The following VAMP7 variants were observed in gnomAD, a reference collection of about 807,000 sequenced individuals.
VAMP7 encodes vesicle-associated membrane protein 7.
A neutral mutation model predicts 29.6 loss-of-function variants in VAMP7; 14 were observed. That is an observed-to-expected ratio of 0.47 (90% CI 0.31 to 0.74). VAMP7 has a LOEUF of 0.74. VAMP7 is among the 30% of genes least tolerant of loss of function. The pLI is 0.05. For synonymous variants in VAMP7, 95 were observed against 88.1 expected (o/e 1.08, Z -0.44); for missense variants, 223 against 262.4 (o/e 0.85, Z 1.04).
chrX:155,917,382 G>C (rs71194189), intron 5 of VAMP7, among the ~76,000 whole-genome samples: 1 of 151,992 alleles, frequency 6.6e-6, no homozygotes, highest in Non-Finnish European at 1.5e-5. Flanking sequence ...CTCATTCTCC[G>C]TCCAGTTTGT....
At chrX:155,919,717 A>C in intron 5 of VAMP7, 96 bp from the exon 6 acceptor site, 1 of 1,081,594 alleles carries the variant, frequency 9.2e-7, no homozygotes, top group Non-Finnish European at 1.4e-6. Flanking sequence ...TGGCCCCAGG[A>C]CAGTGTATTC....
At chrX:155,933,751 G>A (rs1246655074) in intron 6 of VAMP7, among the ~76,000 whole-genome samples, 4 of 152,094 alleles carry the variant, frequency 2.6e-5, no homozygotes, top group African/African-American at 9.7e-5. Flanking sequence ...GCTTTTGAAT[G>A]TGTTTGCTCT....
intron 6 of VAMP7, among the ~76,000 whole-genome samples, chrX:155,938,799 G>C (rs1342518228): frequency 6.6e-6 from 1 of 152,168 alleles, no homozygotes; most frequent in African/African-American, 2.4e-5. Context: ...TTGGGCGACA[G>C]AGCAAGACCC....
At chrX:155,941,628 G>A (rs901005392) in intron 7 of VAMP7, among the ~76,000 whole-genome samples, 1 of 152,000 alleles carries the variant, frequency 6.6e-6, no homozygotes, top group African/African-American at 2.4e-5. Context: ...TACCAGTGAA[G>A]AGCAACAACC....
At chrX:155,926,825 T>C (rs1427461897) in intron 6 of VAMP7, among the ~76,000 whole-genome samples, 1 of 152,160 alleles carries the variant, frequency 6.6e-6, no homozygotes, top group Non-Finnish European at 1.5e-5. Context: ...CTTGAATACA[T>C]AGATGCCATT....
chrX:155,914,679 T>C (rs185133123), intron 5 of VAMP7, among the ~76,000 whole-genome samples: 1 of 152,314 alleles, frequency 6.6e-6, no homozygotes, highest in Non-Finnish European at 1.5e-5. Flanking sequence ...GATTTGCGTA[T>C]GTTGAACCAG....
intron 6 of VAMP7, among the ~76,000 whole-genome samples, chrX:155,927,028 A>G (rs2066477808): frequency 6.6e-6 from 1 of 152,232 alleles, no homozygotes; most frequent in Admixed American, 6.5e-5. Context: ...CAGAGGTCAC[A>G]GATCGTCATA....
chrX:155,933,460 A>G (rs1276526386), intron 6 of VAMP7, among the ~76,000 whole-genome samples: 3 of 152,012 alleles, frequency 2.0e-5, no homozygotes, highest in Non-Finnish European at 4.4e-5. Context: ...GAATTTATCC[A>G]TTTCTTCTAG....
At chrX:155,891,374 T>C (rs2065923839) in intron 2 of VAMP7, among the ~76,000 whole-genome samples, 1 of 152,148 alleles carries the variant, frequency 6.6e-6, no homozygotes, top group African/African-American at 2.4e-5. Flanking sequence ...AAGACCTATC[T>C]AGTCACTGTG....
rs1178373614 is a variant in VAMP7, at chrX:155,901,131, CAGT to C, written c.433+549_433+551del. ...AGGACTGATTTAGAAGTTTATCCTA[CAGT>C]AGTAACCATACTGTTATATTTTTGT... On this transcript the variant is annotated intron_variant, in intron 5 of 7. Transcript: ENST00000286448. Among the ~76,000 whole-genome samples, 5 of 152,002 alleles carry C rather than the reference CAGT, an allele frequency of 3.3e-5. No homozygotes were observed. In the East Asian group the frequency reaches 9.6e-4, roughly 29 times the overall value.
chrX:155,934,652 C>T lies in VAMP7; in HGVS notation c.502-5049C>T, dbSNP rs1325134804. On this transcript the variant is annotated intron_variant, in intron 6 of 7. Coordinates refer to ENST00000286448, the MANE Select transcript of VAMP7 (RefSeq NM_005638.6). ...ACACTGATGGGTCTTTACTCTTTAT[C>T]TAATTTGCCAGTCTGTGTCTTTTAA... Among the ~76,000 whole-genome samples the T allele has an allele frequency of 2.6e-5, 4 of 152,236 alleles. No homozygotes were observed. The South Asian group carries it at 8.3e-4, about 32-fold the overall frequency.
At chrX:155,935,895 T>C (rs1314092673) in intron 6 of VAMP7, among the ~76,000 whole-genome samples, 2 of 152,192 alleles carry the variant, frequency 1.3e-5, no homozygotes, top group Non-Finnish European at 2.9e-5. Flanking sequence ...ATGTCCTTTC[T>C]GTTTGTTAGT....
chrX:155,912,302 A>G (rs565148973), intron 5 of VAMP7, among the ~76,000 whole-genome samples: 1 of 152,114 alleles, frequency 6.6e-6, no homozygotes, highest in Non-Finnish European at 1.5e-5. Context: ...TGCTAAAATT[A>G]TGGATGAAAA....
intron 6 of VAMP7, among the ~76,000 whole-genome samples, chrX:155,924,299 A>T (rs1456540970): frequency 6.6e-6 from 1 of 152,194 alleles, no homozygotes; most frequent in South Asian, 2.1e-4. Flanking sequence ...TGTATAGCAT[A>T]AAATTTTGCC....
intron 2 of VAMP7, among the ~76,000 whole-genome samples, chrX:155,891,949 A>T (rs1360979024): frequency 1.3e-5 from 2 of 152,156 alleles, no homozygotes; most frequent in African/African-American, 4.8e-5. Flanking sequence ...TTGTGTTTCT[A>T]GGCAGTTCCT....
intron 2 of VAMP7, among the ~76,000 whole-genome samples, chrX:155,892,592 T>TA (rs2065937925): frequency 1.3e-5 from 2 of 152,166 alleles, no homozygotes. Context: ...CTTAATTTTT[T>TA]AAAAATCTCA....
intron 6 of VAMP7, among the ~76,000 whole-genome samples, chrX:155,931,841 G>A (rs1354068159): frequency 6.6e-6 from 1 of 152,096 alleles, no homozygotes; most frequent in African/African-American, 2.4e-5. Flanking sequence ...ATGGTTTTAG[G>A]TCTAACATTT....
At chrX:155,898,446 A>C (rs965140799) in intron 4 of VAMP7, among the ~76,000 whole-genome samples, 197 bp downstream of exon 4, 1 of 152,054 alleles carries the variant, frequency 6.6e-6, no homozygotes, top group Non-Finnish European at 1.5e-5. Context: ...AGTCTTTATT[A>C]TCTCTATTAA....
At chrX:155,923,221 G>A (rs1010111374) in intron 6 of VAMP7, among the ~76,000 whole-genome samples, 1 of 151,792 alleles carries the variant, frequency 6.6e-6, no homozygotes, top group Non-Finnish European at 1.5e-5. Context: ...AAATAATAAG[G>A]GAAGTCTTTT....
Sources: allele counts gnomAD v4.1 joint callset (sites outside exome capture counted in the v4.1 genomes callset), GRCh38; gene constraint gnomAD v4.1.1; transcripts MANE v1.5; gene names NCBI Gene and HGNC (gene_info 2026-07-23, HGNC 2026-07-21).